HELB: variants seen among roughly 807,000 people sequenced by gnomAD.
The protein encoded by HELB is DNA helicase B, also known as DNA 5'-3' helicase B.
HELB carries 96 observed loss-of-function variants against 101.7 expected under a neutral mutation model. The ratio of observed to expected loss-of-function variants is 0.94; its 90% confidence interval spans 0.80 to 1.12. HELB has a LOEUF of 1.12. HELB is among the 50% of genes most tolerant of loss of function. HELB has a pLI of 0.00. For synonymous variants in HELB, 437 were observed against 459.7 expected, an observed-to-expected ratio of 0.95 and a Z score of 0.63; for missense variants, 1,210 against 1,291.9, an observed-to-expected ratio of 0.94 and a Z score of 0.97.
chr12:66,302,517 C>T lies in HELB; in HGVS notation c.-87C>T, dbSNP rs1424279246. 7.9e-6 allele frequency: 10 copies of T among 1,270,152 alleles called. No individual in the cohort carries two copies. The highest frequency in any genetic ancestry group is 9.8e-6 in the Non-Finnish European group (9 of 915,112). 78.7% of individuals were successfully genotyped at this position (1,270,152 alleles called of 1,614,324 possible). A position where few individuals can be genotyped will look rare whatever the true frequency, so the allele number is the denominator to read the frequency against. ...CAGGCCGTTCCCGGAAGTTGATGGC[C>T]TTACAGTCGTAGAACTGATTGGCTG... On this transcript the variant is annotated 5_prime_UTR_variant, in exon 1 of 13. Transcript: ENST00000247815.
intron 3 of HELB, among the ~76,000 whole-genome samples, chr12:66,308,825 A>G (rs969890465): frequency 6.6e-6 from 1 of 152,140 alleles, no homozygotes; most frequent in African/African-American, 2.4e-5. Context: ...GTCTCCAAAT[A>G]TAGTCACATT....
At position 66,322,762 on chromosome 12, in the gene HELB, A is replaced by G; in HGVS notation, c.2276A>G (p.His759Arg). Residue 759 changes from histidine to arginine, a missense_variant, in exon 9 of 13, where the codon CAC becomes CGC. His to Arg is a conservative substitution (Grantham distance 29, BLOSUM62 0). Transcript: ENST00000247815. ...CDLINDCCCK[H>R]YTGHLTKDHQ... ...CTAATTAATGACTGCTGCTGCAAAC[A>G]CTACACAGGCCACCTCACCAAGTGA... 1 of 1,610,526 alleles carries G rather than the reference A, an allele frequency of 6.2e-7. No individual in the cohort carries two copies. The highest frequency in any genetic ancestry group is 8.5e-7 in the Non-Finnish European group (1 of 1,178,134).
rs151139963 is a variant in HELB, at chr12:66,304,736, A to G, written c.193A>G (p.Ile65Val). Residue 65 changes from isoleucine to valine, a missense_variant, in exon 2 of 13, where the codon ATT (isoleucine) becomes GTT (valine). Ile to Val is a conservative substitution (Grantham distance 29, BLOSUM62 3). This residue lies in a region of HELB where 470 missense variants were observed against 563.1 expected (regional missense o/e 0.83). Coordinates refer to ENST00000247815, the MANE Select transcript of HELB (RefSeq NM_001370285.1). ...GSLPGCLRVS[I>V]CDENTQETCK... Reference sequence around the variant, plus strand: ...TTTTGTTTGTTTTTTTTTAGTTTCTATTTGTGATGAAAACACACAAGAGAC... The same window carrying G: ...TTTTGTTTGTTTTTTTTTAGTTTCTGTTTGTGATGAAAACACACAAGAGAC... 1,665 of 1,580,978 alleles carry G rather than the reference A, an allele frequency of 1.1e-3. No homozygotes were observed. Among genetic ancestry groups the G allele is most frequent in the Non-Finnish European group, 1.3e-3 (1,559 of 1,166,708 alleles).
chr12:66,327,921 A>G (rs1020728793), intron 11 of HELB, among the ~76,000 whole-genome samples: 2 of 152,224 alleles, frequency 1.3e-5, no homozygotes, highest in East Asian at 3.8e-4. Flanking sequence ...CATTGAGAAG[A>G]TAACATTTTA....
intron 5 of HELB, 148 bp downstream of exon 5, chr12:66,314,311 A>C (rs1160547389): frequency 1.3e-6 from 1 of 741,048 alleles, no homozygotes; most frequent in East Asian, 2.7e-5. Context: ...AAATCTGACC[A>C]CTCTCCTAAT....
intron 6 of HELB, among the ~76,000 whole-genome samples, chr12:66,316,169 C>T (rs796936689): frequency 3.9e-5 from 6 of 152,184 alleles, no homozygotes; most frequent in African/African-American, 1.4e-4. Flanking sequence ...GGTTTGTAGC[C>T]TAGGAGCAAT....
chr12:66,306,930 A>G (rs2053483760), intron 3 of HELB, among the ~76,000 whole-genome samples: 1 of 152,204 alleles, frequency 6.6e-6, no homozygotes, highest in Non-Finnish European at 1.5e-5. Context: ...AGTTTGAACT[A>G]TTGACAATTT....
chr12:66,340,611 G>T (rs76795692), downstream of HELB: 83 of 33,124 alleles, frequency 2.5e-3, 1 homozygote, highest in East Asian at 3.6e-3. Flanking sequence ...TATATATGTG[G>T]GGGGGGGGCG....
chr12:66,315,118 C>T, intron 5 of HELB, 124 bp from the exon 6 acceptor site: 2 of 565,546 alleles, frequency 3.5e-6, no homozygotes, highest in Non-Finnish European at 2.8e-6. Context: ...ATTTTTATAT[C>T]TTTTACTGTT....
chr12:66,337,988 A>G lies in HELB; in HGVS notation c.3163-13A>G. Reference sequence around the variant, plus strand: ...TTACAAAATTAACTTTGTTATTTTAATTGTTCTAACAGGTGGGAGAATCTC... The same window carrying G: ...TTACAAAATTAACTTTGTTATTTTAGTTGTTCTAACAGGTGGGAGAATCTC... On this transcript the variant is annotated splice_polypyrimidine_tract_variant and intron_variant, in intron 12 of 12. Coordinates refer to ENST00000247815, the MANE Select transcript of HELB (RefSeq NM_001370285.1). 1 of 1,423,956 alleles carries G rather than the reference A, an allele frequency of 7.0e-7. No individual in the cohort carries two copies. The highest frequency in any genetic ancestry group is 9.8e-7 in the Non-Finnish European group (1 of 1,015,282). 88.2% of individuals were successfully genotyped at this position (1,423,956 alleles called of 1,614,324 possible).
At position 66,314,006 on chromosome 12, in the gene HELB, A is replaced by T. The variant is rs771352423; in HGVS notation, c.1701A>T (p.Ser567=). The change falls in exon 5 of 13, where the codon TCA becomes TCT. Residue 567 remains serine (S), a synonymous_variant. Transcript: ENST00000247815. ...TGTAGGTCAATTATAGCTTCTATTC[A>T]TGGACTCAAACAATGATGACCACAA... ...TLCQVNYSFY[S]WTQTMMTTNK... is the part of the protein sequence containing the mutation. 4 of 1,613,774 alleles carry T rather than the reference A, an allele frequency of 2.5e-6. No individual in the cohort carries two copies. The South Asian group carries it at 4.4e-5, about 18-fold the overall frequency.
At chr12:66,329,283 T>C (rs1488230504) in intron 11 of HELB, among the ~76,000 whole-genome samples, 1 of 152,208 alleles carries the variant, frequency 6.6e-6, no homozygotes, top group East Asian at 1.9e-4. Context: ...TTTTAATTTT[T>C]AATCATCATT....
chr12:66,338,723 C>G (rs2053893908), downstream of HELB: 1 of 152,026 alleles, frequency 6.6e-6, no homozygotes. Context: ...AGGATAATGC[C>G]TCGTAACTTT....
chr12:66,321,795 G>T (rs1193632418), intron 7 of HELB, 153 bp from the exon 8 acceptor site: 8 of 528,576 alleles, frequency 1.5e-5, no homozygotes, highest in Non-Finnish European at 2.7e-5. Context: ...CTGATGTGGG[G>T]AATGAGGTTG....
In HELB at chr12:66,318,605, G is replaced by A. The variant is rs768496960; in HGVS notation, c.2001-33G>A. 2.6e-6 allele frequency: 4 copies of A among 1,563,702 alleles called. No individual in the cohort carries two copies. The Admixed American group carries it at 8.4e-5, about 33-fold the overall frequency. The stretch of plus-strand genomic sequence containing the variant: ...TATGAAGACATTTTTGGATGATAAT[G>A]TTCTTTGTGTGTGTGTGTTATCTTT... On this transcript the variant is annotated intron_variant, in intron 6 of 12. Coordinates refer to ENST00000247815, the MANE Select transcript of HELB (RefSeq NM_001370285.1).
intron 10 of HELB, 186 bp downstream of exon 10, chr12:66,324,397 G>A: frequency 1.8e-6 from 1 of 548,410 alleles, no homozygotes; most frequent in African/African-American, 1.9e-5. Context: ...TGTCCTGTCT[G>A]GCTTTAATAT....
chr12:66,323,889 A>G, intron 9 of HELB, 94 bp from the exon 10 acceptor site: 1 of 787,388 alleles, frequency 1.3e-6, no homozygotes. Context: ...AATTATTCTG[A>G]AAATTGAAAC....
At chr12:66,329,732 T>C (rs1359663117) in intron 11 of HELB, among the ~76,000 whole-genome samples, 1 of 152,082 alleles carries the variant, frequency 6.6e-6, no homozygotes, top group East Asian at 1.9e-4. Flanking sequence ...AATGAGACCA[T>C]TAAGTATTAA....
intron 1 of HELB, among the ~76,000 whole-genome samples, chr12:66,303,900 T>C (rs143051963): frequency 0.011 from 1,654 of 152,372 alleles, 37 homozygotes; most frequent in African/African-American, 0.036. Context: ...ATCTGCACTG[T>C]CTGGTATAAT....
Sources: gnomAD v4.1 joint callset for allele counts (sites outside exome capture counted in the v4.1 genomes callset) on GRCh38, gnomAD v4.1.1 for gene constraint, gnomAD v4.1.1 regional missense constraint, MANE v1.5 for transcripts, NCBI Gene and HGNC (gene_info 2026-07-23, HGNC 2026-07-21) for gene names.